Variants in ASIC2 observed in about 807,000 individuals in gnomAD.
The protein encoded by ASIC2 is acid-sensing ion channel 2.
Under a neutral mutation model 57.3 loss-of-function variants are expected in ASIC2, and 25 were observed. The ratio of observed to expected loss-of-function variants is 0.44; its 90% confidence interval spans 0.32 to 0.61. The LOEUF (loss-of-function observed/expected upper bound fraction) is 0.61, where lower values mean the gene tolerates loss of function less well. ASIC2 is among the 20% of genes least tolerant of loss of function. The pLI is 0.06. For missense variants in ASIC2, 641 were observed against 738.1 expected, an observed-to-expected ratio of 0.87 and a Z score of 1.52; for synonymous variants, 319 against 307.5, an observed-to-expected ratio of 1.04 and a Z score of -0.39.
At chr17:33,189,921 G>A (rs1427650376) in intron 1 of ASIC2, among the ~76,000 whole-genome samples, 1 of 152,134 alleles carries the variant, frequency 6.6e-6, no homozygotes, top group East Asian at 1.9e-4. Flanking sequence ...AGAAGACTTG[G>A]ATAATAATGG....
rs548453275 is a variant in ASIC2 at position 33,754,738 on chromosome 17, C to T, written c.555+401240G>A. ...TTGGGAGGCCGAGGCGGGCAGATCA[C>T]GAGGTCAGGAGATCGAGACCATCCT... On this transcript the variant is annotated intron_variant, in intron 1 of 9. Coordinates refer to the ASIC2 transcript ENST00000359872. Among the ~76,000 whole-genome samples the T allele has an allele frequency of 3.8e-4, 58 of 151,954 alleles. 2 individuals are homozygous for T. In the South Asian group the frequency reaches 9.8e-3, roughly 26 times the overall value.
chr17:33,433,659 A>C (rs1428705360), intron 1 of ASIC2, among the ~76,000 whole-genome samples: 1 of 152,160 alleles, frequency 6.6e-6, no homozygotes, highest in Non-Finnish European at 1.5e-5. Flanking sequence ...CTGAGACAGG[A>C]GAATCGCTTG....
intron 1 of ASIC2, among the ~76,000 whole-genome samples, chr17:34,008,168 A>G (rs1350499442): frequency 1.3e-5 from 2 of 152,200 alleles, no homozygotes; most frequent in African/African-American, 4.8e-5. Flanking sequence ...CTCCAAATGC[A>G]GTAATTATGT....
chr17:33,723,156 G>A (rs546213041), intron 1 of ASIC2, among the ~76,000 whole-genome samples: 4 of 152,170 alleles, frequency 2.6e-5, no homozygotes, highest in South Asian at 2.1e-4. Context: ...TACATAAATC[G>A]ATTGTGGTCT....
intron 1 of ASIC2, among the ~76,000 whole-genome samples, chr17:33,739,476 A>C (rs910382842): frequency 1.3e-5 from 2 of 152,268 alleles, no homozygotes; most frequent in Non-Finnish European, 2.9e-5. Context: ...AATTAAAAAC[A>C]ATTAGCAATG....
At chr17:33,941,328 C>T (rs555281638) in intron 1 of ASIC2, among the ~76,000 whole-genome samples, 2 of 152,334 alleles carry the variant, frequency 1.3e-5, no homozygotes, top group Non-Finnish European at 2.9e-5. Context: ...TGCCCCATCC[C>T]AGTGGGATCC....
intron 1 of ASIC2, among the ~76,000 whole-genome samples, chr17:33,931,862 G>T (rs758600646): frequency 9.9e-5 from 15 of 152,210 alleles, no homozygotes; most frequent in Admixed American, 2.6e-4. Context: ...AATGAGCGCT[G>T]TTCGGCCGTT....
intron 1 of ASIC2, among the ~76,000 whole-genome samples, chr17:33,205,553 A>G (rs1011885433): frequency 1.3e-5 from 2 of 152,234 alleles, no homozygotes; most frequent in Non-Finnish European, 2.9e-5. Flanking sequence ...AGATTTCACT[A>G]TGGAACAAAC....
intron 1 of ASIC2, among the ~76,000 whole-genome samples, chr17:33,946,334 T>C (rs965860786): frequency 6.6e-6 from 1 of 152,192 alleles, no homozygotes; most frequent in Non-Finnish European, 1.5e-5. Flanking sequence ...GGCCCGAGGC[T>C]GGAGGGAAAT....
chr17:33,929,303 G>A (rs1304142865), intron 1 of ASIC2, among the ~76,000 whole-genome samples: 2 of 152,142 alleles, frequency 1.3e-5, no homozygotes, highest in Non-Finnish European at 2.9e-5. Context: ...TTCTACATTA[G>A]GTTAGTGCTC....
At chr17:33,575,221 C>T (rs1188518096) in intron 1 of ASIC2, among the ~76,000 whole-genome samples, 1 of 152,208 alleles carries the variant, frequency 6.6e-6, no homozygotes, top group African/African-American at 2.4e-5. Context: ...ATCTCCACTC[C>T]TTGTTTTCCT....
At chr17:33,283,389 C>G (rs1022128533) in intron 1 of ASIC2, among the ~76,000 whole-genome samples, 1 of 152,160 alleles carries the variant, frequency 6.6e-6, no homozygotes, top group East Asian at 1.9e-4. Context: ...AAATCTCAGG[C>G]CTTGCCCCAA....
rs1358901183 is a variant in ASIC2 at position 33,940,351 on chromosome 17, C to T, written c.555+215627G>A. ...TGCCATCCAGCTGCAACAGCAGTTT[C>T]CAGAGGGATCACCCTGAAGCATCTC... is the stretch of plus-strand genomic sequence containing the variant. On this transcript the variant is annotated intron_variant, in intron 1 of 9. Coordinates refer to the ASIC2 transcript ENST00000359872. 9.8e-5 allele frequency among the ~76,000 whole-genome samples: 15 copies of T among 152,316 alleles called. No individual in the cohort carries two copies. In the East Asian group the frequency reaches 2.5e-3, roughly 26 times the overall value.
intron 1 of ASIC2, among the ~76,000 whole-genome samples, chr17:33,437,451 C>T (rs1911664929): frequency 6.6e-6 from 1 of 152,134 alleles, no homozygotes; most frequent in Non-Finnish European, 1.5e-5. Flanking sequence ...TTAAAACCCA[C>T]ATATATATCC....
intron 1 of ASIC2, among the ~76,000 whole-genome samples, chr17:33,697,823 A>G (rs1908575090): frequency 6.6e-6 from 1 of 152,244 alleles, no homozygotes; most frequent in African/African-American, 2.4e-5. Context: ...ATATAGCAAT[A>G]CCATGAAAAG....
chr17:33,780,329 G>A (rs1911413386), intron 1 of ASIC2, among the ~76,000 whole-genome samples: 1 of 152,082 alleles, frequency 6.6e-6, no homozygotes, highest in African/African-American at 2.4e-5. Context: ...CAGACCACAA[G>A]TGGGCTGAGG....
chr17:34,009,877 G>A (rs963856102), intron 1 of ASIC2, among the ~76,000 whole-genome samples: 3 of 152,224 alleles, frequency 2.0e-5, no homozygotes, highest in African/African-American at 7.2e-5. Context: ...GGGCAGTAAC[G>A]GGAGGGGTGC....
At chr17:33,814,758 T>C (rs73286721) in intron 1 of ASIC2, among the ~76,000 whole-genome samples, 1,854 of 152,256 alleles carry the variant, frequency 0.012, 40 homozygotes, top group African/African-American at 0.042. Context: ...AATTTTTCTG[T>C]CTGTTTGCCT....
At chr17:33,427,926 G>A (rs1297422036) in intron 1 of ASIC2, among the ~76,000 whole-genome samples, 1 of 152,156 alleles carries the variant, frequency 6.6e-6, no homozygotes, top group Non-Finnish European at 1.5e-5. Flanking sequence ...TCTCTTTCTT[G>A]GATTATTTGC....
Sources: gnomAD v4.1 joint callset for allele counts (sites outside exome capture counted in the v4.1 genomes callset) on GRCh38, gnomAD v4.1.1 for gene constraint, MANE v1.5 for transcripts, NCBI Gene and HGNC (gene_info 2026-07-23, HGNC 2026-07-21) for gene names.